NPAS3: variants seen among roughly 807,000 people sequenced by gnomAD.
NPAS3 encodes the protein neuronal PAS domain protein 3.
Under a neutral mutation model 73.1 loss-of-function variants are expected in NPAS3, and 14 were observed. The observed-to-expected ratio is 0.19, with a 90% CI of 0.13 to 0.30. The LOEUF (loss-of-function observed/expected upper bound fraction) is 0.30, where lower values mean the gene tolerates loss of function less well. Among genes scored for constraint, NPAS3 ranks in the 10% least tolerant of loss-of-function variants. NPAS3 has a pLI of 1.00. For missense variants in NPAS3, 1,096 were observed against 1,250.0 expected, an observed-to-expected ratio of 0.88 and a Z score of 1.86; for synonymous variants, 620 against 541.5, an observed-to-expected ratio of 1.14 and a Z score of -2.01.
intron 4 of NPAS3, among the ~76,000 whole-genome samples, chr14:33,410,732 G>A (rs977372654): frequency 2.0e-5 from 3 of 151,806 alleles, no homozygotes; most frequent in African/African-American, 4.8e-5. Context: ...TGCAACCGTG[G>A]CCTCCCAGGT....
At chr14:32,936,875 G>T (rs10141000), upstream of NPAS3, among the ~76,000 whole-genome samples, 339 of 150,702 alleles carry the variant, frequency 2.2e-3, no homozygotes, top group African/African-American at 7.3e-3. Flanking sequence ...TTTCAACTTT[G>T]AATTTGGGCA....
chr14:33,379,392 A>T (rs567384172), intron 4 of NPAS3, among the ~76,000 whole-genome samples: 265 of 152,334 alleles, frequency 1.7e-3, no homozygotes, highest in African/African-American at 6.3e-3. Context: ...GTCAAATAGT[A>T]ATAGTAAAAA....
intron 4 of NPAS3, among the ~76,000 whole-genome samples, chr14:33,425,233 C>T (rs974290122): frequency 1.3e-5 from 2 of 151,810 alleles, no homozygotes; most frequent in African/African-American, 2.4e-5. Flanking sequence ...TGGATTGATG[C>T]GCCAATAGGA....
chr14:33,301,324 T>TATATATATATATATCTATATATA (rs56204986), intron 3 of NPAS3, among the ~76,000 whole-genome samples: 1 of 75,648 alleles, frequency 1.3e-5, no homozygotes, highest in African/African-American at 5.6e-5. Flanking sequence ...ATATATATAT[T>TATATATATATATATCTATATATA]TTTTTTTTTT....
At chr14:33,616,264 G>A (rs940874203) in intron 5 of NPAS3, among the ~76,000 whole-genome samples, 13 of 152,300 alleles carry the variant, frequency 8.5e-5, no homozygotes, top group African/African-American at 2.6e-4. Context: ...CCTCACAGAC[G>A]AAGATGTGAT....
At chr14:33,658,213 A>G (rs2059205381) in intron 5 of NPAS3, among the ~76,000 whole-genome samples, 1 of 152,240 alleles carries the variant, frequency 6.6e-6, no homozygotes, top group African/African-American at 2.4e-5. Context: ...TCTTCAAGAC[A>G]ACAAGTTAAA....
intron 5 of NPAS3, among the ~76,000 whole-genome samples, chr14:33,606,546 C>T (rs1442086645): frequency 1.3e-5 from 2 of 148,170 alleles, no homozygotes; most frequent in African/African-American, 2.5e-5. Flanking sequence ...CATTCATATG[C>T]AGAAAAAAAC....
At chr14:33,669,546 G>A (rs150317818) in intron 5 of NPAS3, among the ~76,000 whole-genome samples, 1 of 152,166 alleles carries the variant, frequency 6.6e-6, no homozygotes, top group African/African-American at 2.4e-5. Flanking sequence ...GTGTGATGGA[G>A]GTATACCTGA....
At chr14:33,414,262 G>A (rs1226772345) in intron 4 of NPAS3, among the ~76,000 whole-genome samples, 1 of 152,092 alleles carries the variant, frequency 6.6e-6, no homozygotes, top group East Asian at 1.9e-4. Context: ...CCCCCACTGT[G>A]AGTCAGCAAA....
At chr14:33,322,008 A>C (rs2043468629) in intron 3 of NPAS3, among the ~76,000 whole-genome samples, 1 of 152,118 alleles carries the variant, frequency 6.6e-6, no homozygotes, top group Non-Finnish European at 1.5e-5. Flanking sequence ...GGGTTTTGTG[A>C]GAAGGGAAGG....
At chr14:33,117,350 G>A (rs1435177692) in intron 2 of NPAS3, among the ~76,000 whole-genome samples, 1 of 152,034 alleles carries the variant, frequency 6.6e-6, no homozygotes, top group Non-Finnish European at 1.5e-5. Flanking sequence ...ACCTGAAACT[G>A]ACTGCTGGGA....
chr14:33,222,297 G>A (rs1023206341), intron 3 of NPAS3, among the ~76,000 whole-genome samples: 1 of 152,148 alleles, frequency 6.6e-6, no homozygotes, highest in Non-Finnish European at 1.5e-5. Context: ...AGGAAATAGG[G>A]GAAGGAGAAA....
rs1023446006 is a variant in NPAS3, at chr14:33,320,142, G to T, written c.386-47044G>T. Among the ~76,000 whole-genome samples, 4 of 152,232 alleles carry T rather than the reference G, an allele frequency of 2.6e-5. No individual in the cohort carries two copies. The East Asian group carries it at 7.7e-4, about 29-fold the overall frequency. On this transcript the variant is annotated intron_variant, in intron 3 of 11. Transcript: ENST00000356141. The stretch of plus-strand genomic sequence containing the variant: ...AAGAGCACTTTGCAGAAAGGGAATG[G>T]CATGAACATCATTTGGGGTGAAAGA...
rs1024939361 is a variant in NPAS3, at chr14:32,968,940, G to A, written c.50+29574G>A. On this transcript the variant is annotated intron_variant, in intron 1 of 11. Transcript: ENST00000356141. ...ATTCTTCCTGATGCTCTCCCTCTTC[G>A]TTGACAGGCCTCAGTGTGTGTTGTA... 3.3e-5 allele frequency among the ~76,000 whole-genome samples: 5 copies of A among 152,006 alleles called. No homozygotes were observed. The East Asian group carries it at 5.8e-4, about 18-fold the overall frequency.
At chr14:33,501,882 G>A (rs763429889) in intron 4 of NPAS3, among the ~76,000 whole-genome samples, 12 of 151,876 alleles carry the variant, frequency 7.9e-5, no homozygotes, top group African/African-American at 4.8e-5. Flanking sequence ...AGATAACTGC[G>A]TTGGGAACTT....
At chr14:33,157,113 T>C (rs1266484103) in intron 2 of NPAS3, among the ~76,000 whole-genome samples, 2 of 152,222 alleles carry the variant, frequency 1.3e-5, no homozygotes, top group African/African-American at 2.4e-5. Flanking sequence ...TTCAATCACA[T>C]TTTAATGCTT....
chr14:33,354,160 C>T (rs1594756116), intron 3 of NPAS3, among the ~76,000 whole-genome samples: 2 of 152,128 alleles, frequency 1.3e-5, no homozygotes, highest in East Asian at 3.9e-4. Flanking sequence ...TATAGACATC[C>T]AAAGTCACTT....
At chr14:33,028,968 A>T (rs918910998) in intron 1 of NPAS3, among the ~76,000 whole-genome samples, 1 of 151,994 alleles carries the variant, frequency 6.6e-6, no homozygotes, top group Non-Finnish European at 1.5e-5. Context: ...ATTTTTCCTG[A>T]TGCTCTCCTT....
At chr14:33,010,387 G>A (rs1002664264) in intron 1 of NPAS3, among the ~76,000 whole-genome samples, 5 of 152,166 alleles carry the variant, frequency 3.3e-5, no homozygotes, top group African/African-American at 1.2e-4. Context: ...AATAGTCAAA[G>A]TGAGAAGTGG....
Sources: gnomAD v4.1 joint callset for allele counts (sites outside exome capture counted in the v4.1 genomes callset) on GRCh38, gnomAD v4.1.1 for gene constraint, MANE v1.5 for transcripts, NCBI Gene and HGNC (gene_info 2026-07-23, HGNC 2026-07-21) for gene names.